Variants in CDH12 observed in about 807,000 individuals in gnomAD.
CDH12 encodes cadherin-12.
CDH12 carries 41 observed loss-of-function variants against 74.1 expected under a neutral mutation model. The observed-to-expected ratio is 0.55, with a 90% confidence interval of 0.43 to 0.72. The LOEUF (loss-of-function observed/expected upper bound fraction) is 0.72. CDH12 is among the 30% of genes least tolerant of loss of function. The pLI, the probability that CDH12 is intolerant of heterozygous loss-of-function variation, is 0.00. For synonymous variants in CDH12, 399 were observed against 355.0 expected, an observed-to-expected ratio of 1.12 and a Z score of -1.39; for missense variants, 945 against 977.2, an observed-to-expected ratio of 0.97 and a Z score of 0.44.
chr5:22,620,078 T>G (rs1737895712), intron 1 of CDH12, among the ~76,000 whole-genome samples: 1 of 152,032 alleles, frequency 6.6e-6, no homozygotes, highest in Non-Finnish European at 1.5e-5. Context: ...AAAAAGCTAG[T>G]TTTTGTTTAT....
chr5:21,768,509 A>C (rs761854391), intron 11 of CDH12, among the ~76,000 whole-genome samples: 10 of 151,988 alleles, frequency 6.6e-5, no homozygotes, highest in Non-Finnish European at 1.2e-4. Context: ...TGATAAAGGA[A>C]TCTTTTAAAT....
At chr5:22,069,635 C>T (rs1220570205) in intron 5 of CDH12, among the ~76,000 whole-genome samples, 2 of 152,090 alleles carry the variant, frequency 1.3e-5, no homozygotes, top group East Asian at 3.9e-4. Flanking sequence ...GTTGAGACTG[C>T]CACCCAGCCT....
chr5:22,329,020 G>GC (rs1739239899), intron 3 of CDH12, among the ~76,000 whole-genome samples: 1 of 152,060 alleles, frequency 6.6e-6, no homozygotes, highest in African/African-American at 2.4e-5. Flanking sequence ...AAATAAACAA[G>GC]ACAAGAGAAG....
At chr5:22,802,285 C>T (rs1748572999) in intron 1 of CDH12, among the ~76,000 whole-genome samples, 1 of 151,860 alleles carries the variant, frequency 6.6e-6, no homozygotes, top group Admixed American at 6.6e-5. Context: ...CCACACCCGG[C>T]TATTTTTTGT....
chr5:22,798,197 A>G lies in CDH12; in HGVS notation c.-523+54861T>C, dbSNP rs115045369. ...AGTTCTGACTTCTTCAGGTAATTCA[A>G]ACTTCTCAATCTACCATTTTGATAT... On this transcript the variant is annotated intron_variant, in intron 1 of 14. Coordinates refer to ENST00000382254, the MANE Select transcript of CDH12 (RefSeq NM_004061.5). Among the ~76,000 whole-genome samples, 995 of 152,200 alleles carry G rather than the reference A, an allele frequency of 6.5e-3. 10 individuals carry two copies. The highest frequency in any genetic ancestry group is 0.023 in the African/African-American group (938 of 41,542).
intron 3 of CDH12, among the ~76,000 whole-genome samples, chr5:22,238,517 G>A (rs1580435637): frequency 2.0e-5 from 3 of 152,164 alleles, no homozygotes; most frequent in African/African-American, 7.2e-5. Context: ...AGCAAGTAAA[G>A]TTGTGGAAGA....
At chr5:21,929,066 T>C (rs1196589275) in intron 6 of CDH12, among the ~76,000 whole-genome samples, 2 of 151,916 alleles carry the variant, frequency 1.3e-5, no homozygotes, top group Non-Finnish European at 1.5e-5. Context: ...GTAATGAGAA[T>C]ACTATTAGGA....
chr5:22,366,815 A>T (rs1741052301), intron 3 of CDH12, among the ~76,000 whole-genome samples: 1 of 152,214 alleles, frequency 6.6e-6, no homozygotes, highest in South Asian at 2.1e-4. Flanking sequence ...TTATTTGAGT[A>T]TAACTGAATG....
At chr5:22,476,979 C>G (rs1746194112) in intron 2 of CDH12, among the ~76,000 whole-genome samples, 1 of 152,112 alleles carries the variant, frequency 6.6e-6, no homozygotes, top group Non-Finnish European at 1.5e-5. Flanking sequence ...AAATCTGCCC[C>G]AAGGCCCATC....
At chr5:22,289,470 C>T (rs1737288791) in intron 3 of CDH12, among the ~76,000 whole-genome samples, 1 of 152,048 alleles carries the variant, frequency 6.6e-6, no homozygotes, top group Admixed American at 6.6e-5. Context: ...TGTGAAAAGT[C>T]AAAGCTGTAT....
chr5:22,649,898 C>CAT (rs532168280), intron 1 of CDH12, among the ~76,000 whole-genome samples: 293 of 151,892 alleles, frequency 1.9e-3, no homozygotes, highest in Middle Eastern at 0.017. Context: ...TGTAAAGTTA[C>CAT]ATATATATAT....
At chr5:21,815,741 G>GC (rs1748004337) in intron 9 of CDH12, among the ~76,000 whole-genome samples, 1 of 152,032 alleles carries the variant, frequency 6.6e-6, no homozygotes, top group Non-Finnish European at 1.5e-5. Context: ...GAGCTTACAC[G>GC]CATCAGTATG....
chr5:21,867,323 C>T (rs1234185913), intron 6 of CDH12, among the ~76,000 whole-genome samples: 1 of 152,102 alleles, frequency 6.6e-6, no homozygotes, highest in Non-Finnish European at 1.5e-5. Context: ...CCATTACACT[C>T]CAGCCTGGGG....
intron 3 of CDH12, among the ~76,000 whole-genome samples, chr5:22,365,573 A>G (rs1366221402): frequency 6.6e-6 from 1 of 152,202 alleles, no homozygotes; most frequent in Non-Finnish European, 1.5e-5. Flanking sequence ...AGCAAAATGG[A>G]ATGAAATTCT....
At chr5:21,880,781 G>C (rs887483516) in intron 6 of CDH12, among the ~76,000 whole-genome samples, 1 of 150,998 alleles carries the variant, frequency 6.6e-6, no homozygotes, top group Non-Finnish European at 1.5e-5. Context: ...CTAATAGAAA[G>C]TAGAGTCCCA....
chr5:22,339,976 T>C (rs925371523), intron 3 of CDH12, among the ~76,000 whole-genome samples: 41 of 152,324 alleles, frequency 2.7e-4, no homozygotes, highest in African/African-American at 9.9e-4. Context: ...TGTATGTATG[T>C]ATATAAGTAC....
intron 1 of CDH12, among the ~76,000 whole-genome samples, chr5:22,696,546 T>A (rs1742373863): frequency 6.6e-6 from 1 of 152,184 alleles, no homozygotes; most frequent in Non-Finnish European, 1.5e-5. Flanking sequence ...AATACACTTT[T>A]AAAAAGACTA....
At chr5:21,920,677 A>G (rs1754312694) in intron 6 of CDH12, among the ~76,000 whole-genome samples, 1 of 149,354 alleles carries the variant, frequency 6.7e-6, no homozygotes, top group African/African-American at 2.4e-5. Flanking sequence ...TATGATAATA[A>G]TAATAATAAT....
intron 1 of CDH12, among the ~76,000 whole-genome samples, chr5:22,759,048 G>T (rs1746073467): frequency 6.6e-6 from 1 of 151,940 alleles, no homozygotes; most frequent in African/African-American, 2.4e-5. Flanking sequence ...TCTTGGCTAA[G>T]ATACCATATG....
Sources: allele counts gnomAD v4.1 joint callset (sites outside exome capture counted in the v4.1 genomes callset), GRCh38; gene constraint gnomAD v4.1.1; transcripts MANE v1.5; gene names NCBI Gene and HGNC (gene_info 2026-07-23, HGNC 2026-07-21).